The following CACNA1C variants were observed in gnomAD, a reference collection of about 807,000 sequenced individuals.
CACNA1C encodes calcium voltage-gated channel subunit alpha1 C, also known as voltage-dependent L-type calcium channel subunit alpha-1C.
A neutral mutation model predicts 229.0 loss-of-function variants in CACNA1C; 30 were observed. The observed-to-expected ratio is 0.13, with a 90% CI of 0.10 to 0.18. The LOEUF is 0.18. Ranked by LOEUF, CACNA1C falls within the 10% of genes least tolerant of loss-of-function variation. The pLI is 1.00. For missense variants in CACNA1C, 1,658 were observed against 2,845.0 expected (o/e 0.58, Z 9.49); for synonymous variants, 1,114 against 1,132.5 (o/e 0.98, Z 0.33).
chr12:2,027,846 C>T (rs1055833613), intron 1 of CACNA1C, among the ~76,000 whole-genome samples: 4 of 152,114 alleles, frequency 2.6e-5, no homozygotes, highest in Admixed American at 6.5e-5. Flanking sequence ...AATAAATAAC[C>T]CAGCTTAGTA....
chr12:2,689,853 A>G lies in CACNA1C; in HGVS notation c.6118-1047A>G, dbSNP rs1279083988. 1 of 152,202 alleles carries G rather than the reference A, an allele frequency of 6.6e-6. No homozygotes were observed. Among genetic ancestry groups the G allele is most frequent in the East Asian group, 1.9e-4 (1 of 5,170 alleles). 9.4% of individuals were successfully genotyped at this position (152,202 alleles called of 1,614,324 possible). A position where few individuals can be genotyped will look rare whatever the true frequency, so the allele number is the denominator to read the frequency against. Reference sequence around the variant, plus strand: ...TGGTGAGGAGAGACAGATAATAAACACATACATATATAACACATCAGGAAG... The same window carrying G: ...TGGTGAGGAGAGACAGATAATAAACGCATACATATATAACACATCAGGAAG... On this transcript the variant is annotated intron_variant, in intron 46 of 46. Coordinates refer to ENST00000399655, the MANE Select transcript of CACNA1C (RefSeq NM_000719.7). This position sits in a 1 kb window ranked among gnomAD's most constrained non-coding sequence, Gnocchi z 4.2.
chr12:2,270,890 G>A (rs1406185288), intron 3 of CACNA1C, among the ~76,000 whole-genome samples: 2 of 152,206 alleles, frequency 1.3e-5, no homozygotes, highest in African/African-American at 4.8e-5. Context: ...CCAGGCTGGA[G>A]GGGCTGGATG....
chr12:2,538,052 G>C (rs1427578889), intron 9 of CACNA1C, among the ~76,000 whole-genome samples: 1 of 152,092 alleles, frequency 6.6e-6, no homozygotes, highest in Non-Finnish European at 1.5e-5. Context: ...ATGGTGGAGA[G>C]AGATTTTCTG....
At chr12:2,563,496 G>C (rs1377602935) in intron 11 of CACNA1C, among the ~76,000 whole-genome samples, 2 of 152,216 alleles carry the variant, frequency 1.3e-5, no homozygotes, top group African/African-American at 2.4e-5. Context: ...CTTCAAGCTA[G>C]AGCAGAACAC....
At chr12:2,571,121 T>C (rs764496698) in intron 13 of CACNA1C, among the ~76,000 whole-genome samples, 1 of 152,242 alleles carries the variant, frequency 6.6e-6, no homozygotes, top group Non-Finnish European at 1.5e-5. Flanking sequence ...CTACTACTAT[T>C]ATTATTCCCA....
chr12:2,588,505 C>T (rs2063582352), intron 18 of CACNA1C, among the ~76,000 whole-genome samples: 1 of 152,218 alleles, frequency 6.6e-6, no homozygotes, highest in South Asian at 2.1e-4. Context: ...AGTGATGTAT[C>T]AGAGTGGCCA....
chr12:2,417,828 G>A (rs1332809230), intron 3 of CACNA1C, among the ~76,000 whole-genome samples: 1 of 152,028 alleles, frequency 6.6e-6, no homozygotes, highest in African/African-American at 2.4e-5. Flanking sequence ...CCCCCTGCAG[G>A]TGGCTACCCC....
chr12:2,279,885 G>C (rs968203749), intron 3 of CACNA1C, among the ~76,000 whole-genome samples: 13 of 152,194 alleles, frequency 8.5e-5, no homozygotes, highest in African/African-American at 2.9e-4. Flanking sequence ...TTTTATATAA[G>C]GGACATGAGC....
chr12:2,502,762 C>T (rs766889889), intron 7 of CACNA1C, among the ~76,000 whole-genome samples: 8 of 152,216 alleles, frequency 5.3e-5, no homozygotes, highest in Non-Finnish European at 1.0e-4. Flanking sequence ...ATCCAGCGTA[C>T]TTAGACAAAT....
intron 9 of CACNA1C, among the ~76,000 whole-genome samples, chr12:2,534,592 C>T (rs1270546916): frequency 1.3e-5 from 2 of 152,190 alleles, no homozygotes; most frequent in Non-Finnish European, 2.9e-5. Context: ...CAACCTTCAC[C>T]TCCCCCACCC....
In CACNA1C at chr12:2,605,029, C is replaced by T; in HGVS notation, c.2961-52C>T. ...ACATTCCCTTACCACATTATTTTTG[C>T]TCCCCCCAGAAACAGGAGGAGCTTA... On this transcript the variant is annotated intron_variant, in intron 22 of 46. Transcript: ENST00000399655. This position sits in a 1 kb window ranked among gnomAD's most constrained non-coding sequence, Gnocchi z 6.2. 1.5e-6 allele frequency: 2 copies of T among 1,333,856 alleles called. No individual in the cohort carries two copies. Among genetic ancestry groups the T allele is most frequent in the Non-Finnish European group, 2.2e-6 (2 of 924,938 alleles). 82.6% of individuals were successfully genotyped at this position (1,333,856 alleles called of 1,614,324 possible).
intron 1 of CACNA1C, among the ~76,000 whole-genome samples, chr12:2,017,060 C>T (rs2045517457): frequency 6.6e-6 from 1 of 152,108 alleles, no homozygotes; most frequent in Non-Finnish European, 1.5e-5. Context: ...ATTCTCTAGG[C>T]AATGAAGTAC....
At chr12:2,213,615 G>A (rs1483835844) in intron 3 of CACNA1C, among the ~76,000 whole-genome samples, 5 of 152,236 alleles carry the variant, frequency 3.3e-5, no homozygotes, top group Non-Finnish European at 7.3e-5. Context: ...GAAACTCTCA[G>A]TGTGTCTGCT....
chr12:2,117,391 G>A (rs1044339222), intron 2 of CACNA1C, among the ~76,000 whole-genome samples: 16 of 152,226 alleles, frequency 1.1e-4, no homozygotes, highest in Non-Finnish European at 2.1e-4. Context: ...TTTAGTGCCC[G>A]GGGTACTGGA....
At position 2,177,587 on chromosome 12, in the gene CACNA1C, CCCTTCCTT is replaced by C. The variant is rs1555274712; in HGVS notation, c.477+57191_477+57198del. ...TCCCTCCCTCCCTCCCTCCCTCCCTCCCTTCCTTCCTTCCTTCCTTCCTTCCTTCCTTC... is the reference window on the plus strand; with the variant it reads ...TCCCTCCCTCCCTCCCTCCCTCCCTCCCTTCCTTCCTTCCTTCCTTCCTTC... On this transcript the variant is annotated intron_variant, in intron 3 of 46. Coordinates refer to ENST00000399655, the MANE Select transcript of CACNA1C (RefSeq NM_000719.7). Among the ~76,000 whole-genome samples the C allele has an allele frequency of 8.5e-3, 667 of 78,490 alleles. 21 individuals carry two copies. In the East Asian group the frequency reaches 0.088, roughly 10 times the overall value. The allele number at this position is 78,490 out of a possible 152,430, so 51.5% of individuals were successfully genotyped here.
At chr12:2,100,744 C>T (rs145084385) in intron 1 of CACNA1C, among the ~76,000 whole-genome samples, 1,993 of 149,734 alleles carry the variant, frequency 0.013, 51 homozygotes, top group African/African-American at 0.046. Flanking sequence ...AGTGACAGAA[C>T]GAGACTGTCT....
intron 3 of CACNA1C, among the ~76,000 whole-genome samples, chr12:2,382,672 G>A (rs971303843): frequency 1.3e-5 from 2 of 152,156 alleles, no homozygotes; most frequent in African/African-American, 2.4e-5. Flanking sequence ...GCTGAGATTC[G>A]AAACCAGTCA....
chr12:2,186,924 G>A (rs2097041404), intron 3 of CACNA1C, among the ~76,000 whole-genome samples: 1 of 151,956 alleles, frequency 6.6e-6, no homozygotes, highest in Admixed American at 6.5e-5. Flanking sequence ...TTGCCTTCCT[G>A]GTGCTGCACC....
At chr12:2,018,500 G>C (rs1372996069) in intron 1 of CACNA1C, among the ~76,000 whole-genome samples, 2 of 152,176 alleles carry the variant, frequency 1.3e-5, no homozygotes, top group Admixed American at 6.5e-5. Context: ...GGCTGGAGAG[G>C]GGAAGCTAGA....
Sources: allele counts gnomAD v4.1 joint callset (sites outside exome capture counted in the v4.1 genomes callset), GRCh38; gene constraint gnomAD v4.1.1; non-coding constraint Gnocchi (gnomAD v3.1); transcripts MANE v1.5; gene names NCBI Gene and HGNC (gene_info 2026-07-23, HGNC 2026-07-21).